The following BCHE variants were observed in gnomAD, a reference collection of about 807,000 sequenced individuals.
The protein encoded by BCHE is cholinesterase.
BCHE carries 48 observed loss-of-function variants against 51.3 expected under a neutral mutation model. The ratio of observed to expected loss-of-function variants is 0.94; its 90% CI spans 0.74 to 1.19. The LOEUF is 1.19. BCHE is among the 50% of genes most tolerant of loss of function. The pLI, the probability that BCHE is intolerant of heterozygous loss-of-function variation, is 0.00. For missense variants in BCHE, 847 were observed against 708.2 expected (o/e 1.20, Z -2.23); for synonymous variants, 251 against 238.0 (o/e 1.05, Z -0.50).
At chr3:165,784,790 C>T (rs868821854) in intron 3 of BCHE, among the ~76,000 whole-genome samples, 1 of 151,626 alleles carries the variant, frequency 6.6e-6, no homozygotes, top group South Asian at 2.1e-4. Flanking sequence ...TTAAAATAAC[C>T]CACTCATTAT....
At chr3:165,822,787 A>G (rs550616882) in intron 2 of BCHE, among the ~76,000 whole-genome samples, 1 of 152,196 alleles carries the variant, frequency 6.6e-6, no homozygotes, top group East Asian at 1.9e-4. Flanking sequence ...TACTAATTAC[A>G]TTTGGCATAT....
At chr3:165,804,306 C>CT (rs1713788226) in intron 2 of BCHE, among the ~76,000 whole-genome samples, 1 of 151,848 alleles carries the variant, frequency 6.6e-6, no homozygotes, top group Non-Finnish European at 1.5e-5. Flanking sequence ...GTGAGTTTTG[C>CT]TGTCAAGAAG....
rs1322860279 is a variant in BCHE, at chr3:165,786,273, G to A, written c.1556C>T (p.Pro519Leu). 4.3e-6 allele frequency: 7 copies of A among 1,611,818 alleles called. No homozygotes were observed. The highest frequency in any genetic ancestry group is 5.9e-6 in the Non-Finnish European group (7 of 1,178,564). Residue 519 changes from proline to leucine, a missense_variant, in exon 3 of 4, where the codon CCT becomes CTT. Pro to Leu is a moderately conservative substitution (Grantham distance 98). Transcript: ENST00000264381. ...NETQNNSTSW[P>L]VFKSTEQKYL... ...TTTTTGTTCAGTGCTTTTGAAGACA[G>A]GCCAGCTTGTGCTATTGTTCTGAGT...
chr3:165,781,950 C>G (rs894711809), intron 3 of BCHE, among the ~76,000 whole-genome samples: 1 of 151,974 alleles, frequency 6.6e-6, no homozygotes, highest in Non-Finnish European at 1.5e-5. Flanking sequence ...ATACAATATG[C>G]ATAAGTAAAT....
chr3:165,821,959 T>C (rs1714541032), intron 2 of BCHE, among the ~76,000 whole-genome samples: 1 of 150,644 alleles, frequency 6.6e-6, no homozygotes, highest in Non-Finnish European at 1.5e-5. Flanking sequence ...GTTTAATAAA[T>C]TGCTCATTCT....
intron 1 of BCHE, among the ~76,000 whole-genome samples, chr3:165,836,995 G>GT (rs1266134277): frequency 6.6e-6 from 1 of 152,114 alleles, no homozygotes; most frequent in Non-Finnish European, 1.5e-5. Flanking sequence ...AGTATGAAAT[G>GT]TTTTTTCTTA....
intron 2 of BCHE, among the ~76,000 whole-genome samples, chr3:165,819,897 T>C (rs1454992549): frequency 6.6e-6 from 1 of 152,172 alleles, no homozygotes; most frequent in East Asian, 1.9e-4. Flanking sequence ...TACATCTGTG[T>C]GTACATTCCT....
chr3:165,807,784 G>C (rs1457389726), intron 2 of BCHE, among the ~76,000 whole-genome samples: 1 of 151,646 alleles, frequency 6.6e-6, no homozygotes. Context: ...AGCTGGTGTT[G>C]AACTCCTGAC....
rs550339341 is a variant in BCHE, at chr3:165,801,905, A to G, written c.1518-15594T>C. ...GTCTCTCCACATTCTTTCATCCACA[A>G]TATCTTGCTGGGGTCTAGTCATAAT... On this transcript the variant is annotated intron_variant, in intron 2 of 3. Coordinates refer to ENST00000264381, the MANE Select transcript of BCHE (RefSeq NM_000055.4). Among the ~76,000 whole-genome samples the G allele has an allele frequency of 3.3e-5, 5 of 152,214 alleles. No homozygotes were observed. In the South Asian group the frequency reaches 1.0e-3, roughly 32 times the overall value.
chr3:165,794,113 C>CAAATATATATTCT (rs1247278916), intron 2 of BCHE, among the ~76,000 whole-genome samples: 91 of 151,816 alleles, frequency 6.0e-4, no homozygotes, highest in African/African-American at 2.1e-3. Context: ...TTATTCTTAA[C>CAAATATATATTCT]TATATACCCA....
intron 1 of BCHE, among the ~76,000 whole-genome samples, chr3:165,832,511 C>G (rs1297492469): frequency 6.6e-6 from 1 of 151,968 alleles, no homozygotes; most frequent in East Asian, 1.9e-4. Context: ...AGGCTGGTCT[C>G]GAACTCCTGA....
At position 165,808,725 on chromosome 3, in the gene BCHE, C is replaced by T. The variant is rs534521062; in HGVS notation, c.1517+20792G>A. 1.4e-4 allele frequency among the ~76,000 whole-genome samples: 21 copies of T among 151,924 alleles called. 1 individual carries two copies. Among genetic ancestry groups the T allele is most frequent in the Non-Finnish European group, 2.5e-4 (17 of 67,986 alleles). On this transcript the variant is annotated intron_variant, in intron 2 of 3. Coordinates refer to ENST00000264381, the MANE Select transcript of BCHE (RefSeq NM_000055.4). ...GGCTGAAGTGAGAGCCATGATTGCA[C>T]CACTGCACCCCAGCCTGGGAGACAG...
chr3:165,807,517 G>GATTTATTT (rs58025912), intron 2 of BCHE, among the ~76,000 whole-genome samples: 228 of 149,880 alleles, frequency 1.5e-3, no homozygotes, highest in African/African-American at 2.4e-3. Flanking sequence ...GTTATTATGA[G>GATTTATTT]ATTTATTTAT....
intron 3 of BCHE, among the ~76,000 whole-genome samples, chr3:165,774,656 A>G (rs1220135730): frequency 6.6e-6 from 1 of 152,152 alleles, no homozygotes; most frequent in Admixed American, 6.6e-5. Flanking sequence ...TTAATGGGAA[A>G]CAACATTAAG....
intron 2 of BCHE, among the ~76,000 whole-genome samples, chr3:165,826,908 G>A (rs1714743411): frequency 6.6e-6 from 1 of 152,070 alleles, no homozygotes; most frequent in Non-Finnish European, 1.5e-5. Context: ...GCAGCATGCT[G>A]GGCCTTTACC....
At chr3:165,827,135 T>C (rs1457869423) in intron 2 of BCHE, among the ~76,000 whole-genome samples, 2 of 152,172 alleles carry the variant, frequency 1.3e-5, no homozygotes, top group East Asian at 1.9e-4. Context: ...CACTTAATTA[T>C]TCAAAGCTTC....
intron 2 of BCHE, among the ~76,000 whole-genome samples, chr3:165,826,432 A>G (rs1368930119): frequency 6.6e-6 from 1 of 152,148 alleles, no homozygotes; most frequent in Non-Finnish European, 1.5e-5. Context: ...AAAGCTCTAG[A>G]AAAGGTAAAA....
chr3:165,833,145 C>T (rs1421877665), intron 1 of BCHE, among the ~76,000 whole-genome samples: 2 of 151,888 alleles, frequency 1.3e-5, no homozygotes, highest in East Asian at 1.9e-4. Flanking sequence ...CTGTTTGGTA[C>T]AATTAGATGT....
intron 2 of BCHE, among the ~76,000 whole-genome samples, chr3:165,804,017 A>G (rs564186588): frequency 6.6e-6 from 1 of 151,460 alleles, no homozygotes; most frequent in South Asian, 2.1e-4. Context: ...ATGAGAAGAA[A>G]TCACAAAGGA....
Sources: gnomAD v4.1 joint callset for allele counts (sites outside exome capture counted in the v4.1 genomes callset) on GRCh38, gnomAD v4.1.1 for gene constraint, MANE v1.5 for transcripts, NCBI Gene and HGNC (gene_info 2026-07-23, HGNC 2026-07-21) for gene names.